Variants in U2SURP observed in about 807,000 individuals in gnomAD.
U2SURP encodes U2 snRNP associated SURP domain containing.
U2SURP carries 9 observed loss-of-function variants against 144.9 expected under a neutral mutation model. The observed-to-expected ratio is 0.06, with a 90% CI of 0.04 to 0.11. U2SURP has a LOEUF of 0.11. U2SURP is among the 10% of genes least tolerant of loss of function. The probability of loss-of-function intolerance (pLI) is 1.00; values close to 1 mark genes in which losing one functional copy is unlikely to be tolerated. For synonymous variants in U2SURP, 408 were observed against 396.8 expected, an observed-to-expected ratio of 1.03 and a Z score of -0.33; for missense variants, 724 against 1,226.7, an observed-to-expected ratio of 0.59 and a Z score of 6.12.
Position 143,016,805 on chromosome 3 carries a change from C to T in U2SURP, c.437-37C>T, listed in dbSNP as rs537710258. 220 of 1,463,668 alleles carry T rather than the reference C, an allele frequency of 1.5e-4. 2 individuals carry two copies. The South Asian group carries it at 1.7e-3, about 12-fold the overall frequency. 90.7% of individuals were successfully genotyped at this position (1,463,668 alleles called of 1,614,324 possible). On this transcript the variant is annotated intron_variant, in intron 5 of 27. Transcript: ENST00000473835. Reference sequence around the variant, plus strand: ...AATAAAACAGTAAAGAAAAATATTGCGAAATTAGTTTTGAAACTTAGTATT... The same window carrying T: ...AATAAAACAGTAAAGAAAAATATTGTGAAATTAGTTTTGAAACTTAGTATT...
Position 143,037,218 on chromosome 3 carries a change from G to C in U2SURP, c.2104G>C (p.Glu702Gln). The change falls in exon 21 of 28, where the codon GAG becomes CAG. Residue 702 changes from glutamate to glutamine, a missense_variant. This residue lies in a region of U2SURP where 116 missense variants were observed against 167.9 expected (regional missense o/e 0.69). Coordinates refer to ENST00000473835, the MANE Select transcript of U2SURP (RefSeq NM_001080415.2). ...CCTTGATGGTGCCCCCATCGAGGAAGAGCTTGATGGTGCACCTCTGGAAGA... is the reference window on the plus strand; with the variant it reads ...CCTTGATGGTGCCCCCATCGAGGAACAGCTTGATGGTGCACCTCTGGAAGA... Reference protein sequence around the residue: ...DDLDGAPIEEELDGAPLEDVD... With the variant: ...DDLDGAPIEEQLDGAPLEDVD... 1.2e-6 allele frequency: 2 copies of C among 1,612,558 alleles called. No individual in the cohort carries two copies. The highest frequency in any genetic ancestry group is 1.7e-6 in the Non-Finnish European group (2 of 1,179,218).
At chr3:143,051,380 C>T (rs1051050835) in intron 25 of U2SURP, among the ~76,000 whole-genome samples, 3 of 151,882 alleles carry the variant, frequency 2.0e-5, no homozygotes, top group Non-Finnish European at 1.5e-5. Context: ...AGAGGTAGTA[C>T]AGAAAGAAAA....
chr3:143,016,162 A>G, intron 4 of U2SURP, 95 bp from the exon 5 acceptor site: 1 of 986,136 alleles, frequency 1.0e-6, no homozygotes, highest in Non-Finnish European at 1.6e-6. Flanking sequence ...CTGGGAAGGG[A>G]GGGTTTTCGT....
chr3:143,014,008 A>G (rs1936239751), intron 3 of U2SURP, among the ~76,000 whole-genome samples: 1 of 151,892 alleles, frequency 6.6e-6, no homozygotes, highest in Non-Finnish European at 1.5e-5. Flanking sequence ...TCCCCCTCAA[A>G]TGCTTTTATT....
chr3:143,015,224 A>G (rs1450288982), intron 4 of U2SURP, among the ~76,000 whole-genome samples: 1 of 152,072 alleles, frequency 6.6e-6, no homozygotes, highest in African/African-American at 2.4e-5. Context: ...GTAAAGTTTA[A>G]CAGTTTTTCT....
At chr3:143,021,243 C>G in intron 8 of U2SURP, 107 bp from the exon 9 acceptor site, 2 of 1,224,398 alleles carry the variant, frequency 1.6e-6, no homozygotes, top group Non-Finnish European at 2.3e-6. Flanking sequence ...CTCTTTTTGT[C>G]TCTCAGAAAT....
intron 3 of U2SURP, among the ~76,000 whole-genome samples, chr3:143,014,058 CTTTTTT>C (rs3832220): frequency 6.7e-6 from 1 of 149,626 alleles, no homozygotes; most frequent in African/African-American, 2.4e-5. Flanking sequence ...CTATTTTTAC[CTTTTTT>C]TTTTAACATG....
chr3:143,020,019 C>A lies in U2SURP; in HGVS notation c.621C>A (p.Phe207Leu). The change falls in exon 7 of 28, where the codon TTC becomes TTA. Residue 207 changes from phenylalanine (F) to leucine (L), a missense_variant. Phe to Leu is a conservative substitution (Grantham distance 22). This residue lies in a region of U2SURP where 115 missense variants were observed against 258.1 expected (regional missense o/e 0.45). Transcript: ENST00000473835. ...KEKKKSNLELFKEELKQIQEE... is the reference protein window; with the variant it reads ...KEKKKSNLELLKEELKQIQEE... ...AGAAAAAAAGCAATTTGGAACTCTT[C>A]AAAGAAGAATTAAAGCAGTAAGTTT... The A allele has an allele frequency of 6.6e-7, 1 of 1,512,508 alleles. No individual in the cohort carries two copies. The highest frequency in any genetic ancestry group is 8.9e-7 in the Non-Finnish European group (1 of 1,121,838). The allele number at this position is 1,512,508 out of a possible 1,614,324, so 93.7% of individuals were successfully genotyped here.
intron 8 of U2SURP, 136 bp from the exon 9 acceptor site, chr3:143,021,214 G>A (rs191907960): frequency 3.9e-5 from 38 of 970,022 alleles, no homozygotes; most frequent in Middle Eastern, 6.4e-4. Context: ...AACAACAACA[G>A]AGTTGTGTGA....
intron 4 of U2SURP, 87 bp from the exon 5 acceptor site, chr3:143,016,170 C>A: frequency 8.7e-7 from 1 of 1,147,520 alleles, no homozygotes; most frequent in Non-Finnish European, 1.3e-6. Context: ...GGAGGGTTTT[C>A]GTCCATATTA....
chr3:143,010,858 A>G lies in U2SURP; in HGVS notation c.89A>G (p.His30Arg), dbSNP rs539676801. The G allele has an allele frequency of 1.8e-5, 29 of 1,606,130 alleles. No individual in the cohort carries two copies. Among genetic ancestry groups the G allele is most frequent in the Non-Finnish European group, 2.4e-5 (28 of 1,176,406 alleles). Residue 30 changes from histidine to arginine, a missense_variant and splice_region_variant, in exon 2 of 28, where the codon CAT (histidine) becomes CGT (arginine). Transcript: ENST00000473835. ...DVHSSGSSDA[H>R]MDASGPSDSD... ...CATTCATCTGGATCTTCAGATGCAC[A>G]TGTGAGTATAGAAGGCAATCTTTGT...
intron 20 of U2SURP, 86 bp from the exon 21 acceptor site, chr3:143,037,093 G>T: frequency 7.5e-7 from 1 of 1,331,332 alleles, no homozygotes; most frequent in South Asian, 1.4e-5. Flanking sequence ...AGTTATGTTG[G>T]CTTGTACTGG....
intron 1 of U2SURP, chr3:143,002,368 T>G (rs568694769): frequency 6.6e-6 from 1 of 152,302 alleles, no homozygotes; most frequent in Non-Finnish European, 1.5e-5. Flanking sequence ...ACTTGTAAGC[T>G]ACATACGATT....
At position 143,029,441 on chromosome 3, in the gene U2SURP, A is replaced by C. The variant is rs112206746; in HGVS notation, c.1610+795A>C. 3.3e-3 allele frequency among the ~76,000 whole-genome samples: 504 copies of C among 152,274 alleles called. 2 individuals are homozygous for C. Among genetic ancestry groups the C allele is most frequent in the Non-Finnish European group, 6.1e-3 (412 of 68,022 alleles). The stretch of plus-strand genomic sequence containing the variant: ...GCTCAAACTTTTTCATTATTATTGT[A>C]TCTGTTATGGTGATCAGTGATCTTT... On this transcript the variant is annotated intron_variant, in intron 16 of 27. Transcript: ENST00000473835.
intron 25 of U2SURP, 31 bp from the exon 26 acceptor site, chr3:143,053,645 A>G: frequency 8.5e-7 from 1 of 1,179,088 alleles, no homozygotes; most frequent in Non-Finnish European, 1.2e-6. Flanking sequence ...ATATTTTTAA[A>G]CAACTTAATA....
intron 18 of U2SURP, among the ~76,000 whole-genome samples, chr3:143,034,028 C>G (rs1384443374): frequency 2.0e-5 from 3 of 152,180 alleles, no homozygotes; most frequent in Admixed American, 2.0e-4. Flanking sequence ...TCTGTGTTCT[C>G]TTCTGATCCT....
At chr3:143,045,052 T>A (rs1021323403) in intron 24 of U2SURP, among the ~76,000 whole-genome samples, 3 of 152,174 alleles carry the variant, frequency 2.0e-5, no homozygotes, top group African/African-American at 7.2e-5. Flanking sequence ...CACATGCTCC[T>A]CTTTTACTCC....
intron 10 of U2SURP, among the ~76,000 whole-genome samples, chr3:143,022,272 C>G (rs1936676280): frequency 6.6e-6 from 1 of 152,158 alleles, no homozygotes. Context: ...ATCCACTGAA[C>G]TTCCCCACCC....
rs1934997268 is a variant in U2SURP, at chr3:143,053,591, T to C, written c.2656-85T>C. Reference sequence around the variant, plus strand: ...AGTAGTAATTTAAAAAATTATTTCCTGTAAGAGAAGATATTGTTCTATAAA... The same window carrying C: ...AGTAGTAATTTAAAAAATTATTTCCCGTAAGAGAAGATATTGTTCTATAAA... On this transcript the variant is annotated intron_variant, in intron 25 of 27. Coordinates refer to ENST00000473835, the MANE Select transcript of U2SURP (RefSeq NM_001080415.2). 3 of 952,206 alleles carry C rather than the reference T, an allele frequency of 3.2e-6. No individual in the cohort carries two copies. The East Asian group carries it at 8.2e-5, about 26-fold the overall frequency. The allele number at this position is 952,206 out of a possible 1,614,324, so 59.0% of individuals were successfully genotyped here.
Sources: gnomAD v4.1 joint callset for allele counts (sites outside exome capture counted in the v4.1 genomes callset) on GRCh38, gnomAD v4.1.1 for gene constraint, gnomAD v4.1.1 regional missense constraint, MANE v1.5 for transcripts, NCBI Gene and HGNC (gene_info 2026-07-23, HGNC 2026-07-21) for gene names.